Variants in MSRA observed in about 807,000 individuals in gnomAD.
MSRA encodes mitochondrial peptide methionine sulfoxide reductase.
MSRA carries 54 observed loss-of-function variants against 31.3 expected under a neutral mutation model. The ratio of observed to expected loss-of-function variants is 1.73; its 90% confidence interval spans 1.39 to 2.17. The LOEUF is 2.17. Among genes scored for constraint, MSRA ranks in the 30% most tolerant of loss-of-function variants. MSRA has a pLI of 0.00. For synonymous variants in MSRA, 169 were observed against 116.5 expected, an observed-to-expected ratio of 1.45 and a Z score of -2.90; for missense variants, 507 against 300.9, an observed-to-expected ratio of 1.69 and a Z score of -5.07.
chr8:10,360,727 T>G (rs1225643718), intron 5 of MSRA, among the ~76,000 whole-genome samples: 1 of 152,214 alleles, frequency 6.6e-6, no homozygotes, highest in Admixed American at 6.5e-5. Flanking sequence ...TGCAGTTTAT[T>G]TGGAAGATAT....
chr8:10,116,500 G>T (rs1010988421), intron 1 of MSRA, among the ~76,000 whole-genome samples: 1 of 152,196 alleles, frequency 6.6e-6, no homozygotes, highest in African/African-American at 2.4e-5. Context: ...AGAGAACAAA[G>T]AGGTGGTCCT....
chr8:10,196,630 A>G (rs1585143492), intron 1 of MSRA, among the ~76,000 whole-genome samples: 3 of 151,936 alleles, frequency 2.0e-5, no homozygotes, highest in Admixed American at 2.0e-4. Context: ...ACTCATCGCA[A>G]CCTCTGCCTC....
At chr8:10,131,152 G>T (rs552337299) in intron 1 of MSRA, among the ~76,000 whole-genome samples, 139 of 152,288 alleles carry the variant, frequency 9.1e-4, no homozygotes, top group African/African-American at 3.2e-3. Flanking sequence ...GCTGGGTCCT[G>T]TGGATACAAA....
chr8:10,206,043 C>T (rs764290430), intron 1 of MSRA, among the ~76,000 whole-genome samples: 4 of 152,106 alleles, frequency 2.6e-5, no homozygotes, highest in Non-Finnish European at 5.9e-5. Flanking sequence ...ACCTTTTCTT[C>T]TCGTGTGTTT....
At chr8:10,191,128 C>G (rs914316535) in intron 1 of MSRA, among the ~76,000 whole-genome samples, 2 of 152,190 alleles carry the variant, frequency 1.3e-5, no homozygotes, top group South Asian at 2.1e-4. Flanking sequence ...AATAAATCAC[C>G]TAGCTTAATA....
intron 5 of MSRA, among the ~76,000 whole-genome samples, chr8:10,358,783 G>A (rs1429203945): frequency 4.1e-5 from 6 of 148,098 alleles, no homozygotes; most frequent in Admixed American, 2.0e-4. Flanking sequence ...TAGTAGAGAC[G>A]GGGTTTCACC....
At position 10,369,810 on chromosome 8, in the gene MSRA, A is replaced by T. The variant is rs569148212; in HGVS notation, c.543+49821A>T. The stretch of plus-strand genomic sequence containing the variant: ...TCTTTAAAAACAGTCACAGAAGCAA[A>T]AATACATATGAGAATTATTCATCAG... On this transcript the variant is annotated intron_variant, in intron 5 of 5. Transcript: ENST00000317173. Among the ~76,000 whole-genome samples, 6 of 152,320 alleles carry T rather than the reference A, an allele frequency of 3.9e-5. No homozygotes were observed. In the East Asian group the frequency reaches 1.2e-3, roughly 29 times the overall value.
chr8:10,350,433 G>A (rs6601443), intron 5 of MSRA, among the ~76,000 whole-genome samples: 32,750 of 152,156 alleles, frequency 0.22, 3,775 homozygotes, highest in African/African-American at 0.26. Flanking sequence ...GCTGGCTTCC[G>A]AAGGCATTTA....
At position 10,392,414 on chromosome 8, in the gene MSRA, G is replaced by C. The variant is rs1025028241; in HGVS notation, c.544-35734G>C. Among the ~76,000 whole-genome samples, 3 of 152,294 alleles carry C rather than the reference G, an allele frequency of 2.0e-5. No individual in the cohort carries two copies. In the South Asian group the frequency reaches 6.2e-4, roughly 32 times the overall value. ...TTCCCTGAGCCGACGTGGCTGGTCA[G>C]TGTCAAGGCTGGGCACTGAGTCCAG... On this transcript the variant is annotated intron_variant, in intron 5 of 5. Coordinates refer to ENST00000317173, the MANE Select transcript of MSRA (RefSeq NM_012331.5).
chr8:10,343,218 A>G (rs936850989), intron 5 of MSRA, among the ~76,000 whole-genome samples: 2 of 152,128 alleles, frequency 1.3e-5, no homozygotes, highest in Non-Finnish European at 2.9e-5. Flanking sequence ...GCTCAGCAGC[A>G]TCGCAGGGGA....
At chr8:10,064,975 T>A (rs575158822) in intron 1 of MSRA, among the ~76,000 whole-genome samples, 1 of 152,072 alleles carries the variant, frequency 6.6e-6, no homozygotes, top group African/African-American at 2.4e-5. Flanking sequence ...GAAAACCGCG[T>A]AAGAGTTTGC....
At chr8:10,141,271 C>T (rs566143417) in intron 1 of MSRA, among the ~76,000 whole-genome samples, 4 of 152,166 alleles carry the variant, frequency 2.6e-5, no homozygotes, top group African/African-American at 7.2e-5. Context: ...CTCACATCAC[C>T]GTCGGGAGGC....
At chr8:10,320,582 G>A (rs892571837) in intron 5 of MSRA, among the ~76,000 whole-genome samples, 7 of 152,166 alleles carry the variant, frequency 4.6e-5, no homozygotes, top group African/African-American at 1.7e-4. Flanking sequence ...TTCTGTCTCT[G>A]TCTGAAACTC....
intron 2 of MSRA, among the ~76,000 whole-genome samples, chr8:10,225,252 C>T (rs1159089539): frequency 6.6e-6 from 1 of 152,230 alleles, no homozygotes; most frequent in Non-Finnish European, 1.5e-5. Flanking sequence ...AGTTGAAACC[C>T]TACTCTTCCT....
chr8:10,073,050 A>G (rs140542315), intron 1 of MSRA, among the ~76,000 whole-genome samples: 2 of 152,198 alleles, frequency 1.3e-5, no homozygotes, highest in East Asian at 3.9e-4. Flanking sequence ...GTAGAGTTTT[A>G]ATCTGTGTGC....
intron 2 of MSRA, among the ~76,000 whole-genome samples, chr8:10,229,532 A>G (rs1811283266): frequency 6.6e-6 from 1 of 152,104 alleles, no homozygotes; most frequent in South Asian, 2.1e-4. Flanking sequence ...TCTGACCTCG[A>G]GTGGACTGAG....
chr8:10,208,224 C>G (rs1235606806), intron 2 of MSRA, among the ~76,000 whole-genome samples: 2 of 146,908 alleles, frequency 1.4e-5, no homozygotes, highest in African/African-American at 5.2e-5. Context: ...TTTTTTTTTT[C>G]CACATAGATA....
chr8:10,077,105 T>G lies in MSRA; in HGVS notation c.142+22447T>G, dbSNP rs188797159. Reference sequence around the variant, plus strand: ...CTCCAAGTTTATGTGGAAAAAGTAGTTAGAAAAGCAAAAAGAGTACTCAGG... The same window carrying G: ...CTCCAAGTTTATGTGGAAAAAGTAGGTAGAAAAGCAAAAAGAGTACTCAGG... On this transcript the variant is annotated intron_variant, in intron 1 of 5. Coordinates refer to ENST00000317173, the MANE Select transcript of MSRA (RefSeq NM_012331.5). Among the ~76,000 whole-genome samples, 241 of 148,726 alleles carry G rather than the reference T, an allele frequency of 1.6e-3. 1 individual carries two copies. Among genetic ancestry groups the G allele is most frequent in the African/African-American group, 5.5e-3 (222 of 40,476 alleles).
At chr8:10,337,418 A>T in intron 5 of MSRA, 1 of 321,814 alleles carries the variant, frequency 3.1e-6, no homozygotes, top group Non-Finnish European at 5.8e-6. Context: ...TGACCTCGTG[A>T]TCCACCAGCC....
Sources: gnomAD v4.1 joint callset for allele counts (sites outside exome capture counted in the v4.1 genomes callset) on GRCh38, gnomAD v4.1.1 for gene constraint, MANE v1.5 for transcripts, NCBI Gene and HGNC (gene_info 2026-07-23, HGNC 2026-07-21) for gene names.